The following KIF25 variants were observed in gnomAD, a reference collection of about 807,000 sequenced individuals.
KIF25 encodes kinesin-like protein KIF25.
In KIF25, 19 loss-of-function variants were observed where a neutral mutation model predicts 32.9. The observed-to-expected ratio is 0.58, with a 90% CI of 0.40 to 0.85. The LOEUF is 0.85. Among genes scored for constraint, KIF25 ranks in the 40% least tolerant of loss-of-function variants. The probability of loss-of-function intolerance (pLI) is 0.00; values close to 1 mark genes in which losing one functional copy is unlikely to be tolerated. For missense variants in KIF25, 485 were observed against 507.0 expected (o/e 0.96, Z 0.42); for synonymous variants, 225 against 213.7 (o/e 1.05, Z -0.46).
rs544104288 is a variant in KIF25, at chr6:168,005,855, C to T, written c.-163+2152C>T. ...ACCCCACTGACTCCAATGTTAATTT[C>T]CTTTGGCAACAGCCTCACAGCCACA... On this transcript the variant is annotated intron_variant, in intron 4 of 12. Transcript: ENST00000643607. 5.8e-4 allele frequency among the ~76,000 whole-genome samples: 88 copies of T among 152,314 alleles called. 1 individual carries two copies. Among genetic ancestry groups the T allele is most frequent in the Non-Finnish European group, 1.6e-4 (11 of 68,028 alleles).
At chr6:168,033,844 C>A in intron 7 of KIF25, 38 bp from the exon 8 acceptor site, 1 of 1,587,076 alleles carries the variant, frequency 6.3e-7, no homozygotes, top group Non-Finnish European at 8.6e-7. Flanking sequence ...TTGGCACCCA[C>A]GTGTGTTTTG....
chr6:168,004,293 A>T (rs565225721), intron 4 of KIF25, among the ~76,000 whole-genome samples: 1 of 152,348 alleles, frequency 6.6e-6, no homozygotes, highest in South Asian at 2.1e-4. Flanking sequence ...CTGTCCCAGC[A>T]CATGGAGCCC....
At chr6:168,013,431 T>G (rs1015480759) in intron 4 of KIF25, among the ~76,000 whole-genome samples, 8 of 151,742 alleles carry the variant, frequency 5.3e-5, no homozygotes, top group Non-Finnish European at 1.0e-4. Context: ...AAGATGGAGC[T>G]CCAAGGCTGG....
In KIF25 at chr6:168,018,188, T is replaced by C. The variant is rs557298913; in HGVS notation, c.-95+148T>C. On this transcript the variant is annotated intron_variant, in intron 5 of 12. Transcript: ENST00000643607. ...TACAGACGGTCCCTGAGGTAGATTT[T>C]TCAACTTTAGGAAGGTGTGAAAGAG... 10 of 152,358 alleles carry C rather than the reference T, an allele frequency of 6.6e-5. No individual in the cohort carries two copies. The East Asian group carries it at 1.9e-3, about 29-fold the overall frequency. 9.4% of individuals were successfully genotyped at this position (152,358 alleles called of 1,614,324 possible). A position where few individuals can be genotyped will look rare whatever the true frequency, so the allele number is the denominator to read the frequency against.
chr6:168,001,199 G>A (rs940247116), intron 2 of KIF25, among the ~76,000 whole-genome samples: 1 of 152,206 alleles, frequency 6.6e-6, no homozygotes, highest in African/African-American at 2.4e-5. Context: ...TGTTTCCGAT[G>A]TTGAATTGTT....
At chr6:168,003,262 A>C (rs1208715363) in intron 3 of KIF25, among the ~76,000 whole-genome samples, 1 of 152,248 alleles carries the variant, frequency 6.6e-6, no homozygotes, top group Non-Finnish European at 1.5e-5. Context: ...GAGTAAAAAA[A>C]TCAAGAGAAG....
chr6:168,042,806 C>A, intron 12 of KIF25, 90 bp downstream of exon 12: 1 of 1,414,176 alleles, frequency 7.1e-7, no homozygotes, highest in Non-Finnish European at 9.6e-7. Context: ...CCTCGAGGGC[C>A]ACCCATGCAC....
intron 5 of KIF25, among the ~76,000 whole-genome samples, chr6:168,022,739 A>G (rs1798803810): frequency 6.9e-6 from 1 of 145,152 alleles, no homozygotes; most frequent in African/African-American, 2.5e-5. Context: ...ATCTTTGGTG[A>G]GGAGTTTTTT....
intron 5 of KIF25, among the ~76,000 whole-genome samples, chr6:168,027,454 CAAA>C (rs757678230): frequency 0.019 from 1,680 of 88,882 alleles, 20 homozygotes; most frequent in African/African-American, 0.067. Context: ...ACTCTGTCTC[CAAA>C]AAAAAAAAAA....
chr6:168,022,412 T>A lies in KIF25; in HGVS notation c.-95+4372T>A, dbSNP rs557610168. On this transcript the variant is annotated intron_variant, in intron 5 of 12. Transcript: ENST00000643607. Reference sequence around the variant, plus strand: ...TCCTTATGTTTTGTGTTCCTTATTTTGTATCTTTACTGATTTATTTTTTAT... The same window carrying A: ...TCCTTATGTTTTGTGTTCCTTATTTAGTATCTTTACTGATTTATTTTTTAT... Among the ~76,000 whole-genome samples the A allele has an allele frequency of 1.1e-4, 16 of 152,326 alleles. No homozygotes were observed. The East Asian group carries it at 2.9e-3, about 28-fold the overall frequency.
At chr6:168,043,117 G>T (rs769442769) in intron 12 of KIF25, among the ~76,000 whole-genome samples, 3 of 152,194 alleles carry the variant, frequency 2.0e-5, no homozygotes, top group Non-Finnish European at 4.4e-5. Context: ...GGTGCCAGAA[G>T]CCTGGACGCA....
chr6:168,038,835 C>A, intron 9 of KIF25, 106 bp downstream of exon 9: 3 of 1,090,114 alleles, frequency 2.8e-6, no homozygotes, highest in Non-Finnish European at 4.0e-6. Flanking sequence ...TCCCCACGCC[C>A]AAGGATCCCA....
chr6:168,034,070 C>T (rs1583142243), intron 8 of KIF25, 39 bp downstream of exon 8: 1 of 1,605,912 alleles, frequency 6.2e-7, no homozygotes, highest in East Asian at 2.2e-5. Context: ...AGAAATATGG[C>T]AGGGAAGCCA....
chr6:168,035,932 A>G (rs61642833), intron 8 of KIF25: 13,213 of 374,200 alleles, frequency 0.035, 547 homozygotes, highest in African/African-American at 0.12. Context: ...AGAGGGGTGC[A>G]CTGGGCCAGG....
At chr6:168,039,984 C>G (rs1799091524) in intron 9 of KIF25, 81 bp from the exon 10 acceptor site, 1 of 1,488,800 alleles carries the variant, frequency 6.7e-7, no homozygotes, top group Non-Finnish European at 9.0e-7. Context: ...AGAGGCTTCC[C>G]TGAGCCGAGG....
At position 168,044,883 on chromosome 6, in the gene KIF25, G is replaced by C; in HGVS notation, c.1042G>C (p.Ala348Pro). 1 of 1,612,572 alleles carries C rather than the reference G, an allele frequency of 6.2e-7. No individual in the cohort carries two copies. The highest frequency in any genetic ancestry group is 1.3e-5 in the African/African-American group (1 of 75,044). Residue 348 changes from alanine to proline, a missense_variant, in exon 13 of 13, where the codon GCA becomes CCA. Coordinates refer to ENST00000643607, the MANE Select transcript of KIF25 (RefSeq NM_030615.4). Reference sequence around the variant, plus strand: ...CATTTCTCCCAGCCAGAGGCACCTGGCACAGACGTTGCAGGGCCTGGGTTT... The same window carrying C: ...CATTTCTCCCAGCCAGAGGCACCTGCCACAGACGTTGCAGGGCCTGGGTTT... ...LCISPSQRHL[A>P]QTLQGLGFGI...
intron 8 of KIF25, among the ~76,000 whole-genome samples, chr6:168,038,303 T>C (rs1018544998): frequency 2.6e-5 from 4 of 152,216 alleles, no homozygotes; most frequent in African/African-American, 9.7e-5. Flanking sequence ...CTCAGTGTAC[T>C]GGTTGCAAAA....
intron 2 of KIF25, among the ~76,000 whole-genome samples, chr6:168,000,197 A>G (rs13212458): frequency 4.5e-4 from 9 of 20,208 alleles, no homozygotes; most frequent in Non-Finnish European, 8.5e-4. Flanking sequence ...CACACCTGAC[A>G]CTCCCCACTC....
intron 7 of KIF25, 57 bp downstream of exon 7, chr6:168,030,904 C>A: frequency 7.4e-7 from 1 of 1,344,932 alleles, no homozygotes; most frequent in Non-Finnish European, 1.1e-6. Flanking sequence ...TATAAAGAAG[C>A]TTCACTGTGC....
Sources: gnomAD v4.1 joint callset for allele counts (sites outside exome capture counted in the v4.1 genomes callset) on GRCh38, gnomAD v4.1.1 for gene constraint, MANE v1.5 for transcripts, NCBI Gene and HGNC (gene_info 2026-07-23, HGNC 2026-07-21) for gene names.